The following MS4A4A variants were observed in gnomAD, a reference collection of about 807,000 sequenced individuals.
MS4A4A encodes membrane-spanning 4-domains subfamily A member 4A.
MS4A4A carries 26 observed loss-of-function variants against 28.0 expected under a neutral mutation model. The ratio of observed to expected loss-of-function variants is 0.93; its 90% CI spans 0.68 to 1.29. The LOEUF is 1.29. Ranked by LOEUF, MS4A4A falls within the 50% of genes most tolerant of loss-of-function variation. The pLI, the probability that MS4A4A is intolerant of heterozygous loss-of-function variation, is 0.00. For missense variants in MS4A4A, 290 were observed against 293.1 expected (o/e 0.99, Z 0.08); for synonymous variants, 86 against 100.8 (o/e 0.85, Z 0.88).
Position 60,282,817 on chromosome 11 carries a change from G to T in MS4A4A, c.41+2101G>T. Reference sequence around the variant, plus strand: ...TAAAAATTTTAACTTTATGCTAAGGGTGGTGAAATATAAAAGAAGGCTTTT... The same window carrying T: ...TAAAAATTTTAACTTTATGCTAAGGTTGGTGAAATATAAAAGAAGGCTTTT... On this transcript the variant is annotated intron_variant, in intron 1 of 6. Coordinates refer to ENST00000337908, the MANE Select transcript of MS4A4A (RefSeq NM_148975.3). 3.7e-6 allele frequency: 4 copies of T among 1,074,646 alleles called. No individual in the cohort carries two copies. The South Asian group carries it at 6.8e-5, about 18-fold the overall frequency. 66.6% of individuals were successfully genotyped at this position (1,074,646 alleles called of 1,614,324 possible).
At chr11:60,285,306 C>A (rs1340586742) in intron 1 of MS4A4A, among the ~76,000 whole-genome samples, 1 of 152,022 alleles carries the variant, frequency 6.6e-6, no homozygotes, top group African/African-American at 2.4e-5. Flanking sequence ...GAGTTTGAGA[C>A]CAGCTTGGGT....
chr11:60,282,952 A>G (rs959918971), intron 1 of MS4A4A, among the ~76,000 whole-genome samples: 1 of 152,210 alleles, frequency 6.6e-6, no homozygotes, highest in South Asian at 2.1e-4. Context: ...TTCAGAGGCT[A>G]TAATGAATAC....
intron 3 of MS4A4A, among the ~76,000 whole-genome samples, chr11:60,300,443 C>T (rs1043468555): frequency 4.6e-5 from 7 of 151,674 alleles, no homozygotes; most frequent in African/African-American, 1.7e-4. Flanking sequence ...GGTGAAACCC[C>T]GTCTCTACTA....
chr11:60,302,739 G>T lies in MS4A4A; in HGVS notation c.546+22G>T, dbSNP rs753315495. On this transcript the variant is annotated intron_variant, in intron 5 of 6. Transcript: ENST00000337908. Reference sequence around the variant, plus strand: ...AATGGTTGGTACTGCCTCTTTTCAGGGGATATTATTATAGAAGCAAGTTTG... The same window carrying T: ...AATGGTTGGTACTGCCTCTTTTCAGTGGATATTATTATAGAAGCAAGTTTG... 9 of 1,606,506 alleles carry T rather than the reference G, an allele frequency of 5.6e-6. No homozygotes were observed. In the African/African-American group the frequency reaches 9.4e-5, roughly 17 times the overall value.
intron 6 of MS4A4A, among the ~76,000 whole-genome samples, chr11:60,306,908 C>A (rs930946130): frequency 6.6e-6 from 1 of 152,176 alleles, no homozygotes; most frequent in Non-Finnish European, 1.5e-5. Flanking sequence ...TCAGTCTGTG[C>A]CCACCTGCCC....
chr11:60,281,501 G>A lies in MS4A4A; in HGVS notation c.41+785G>A, dbSNP rs7950610. ...AAACAGAATTCTTGGTTCCTAGCCC[G>A]GGCCTTTCCCCCTTTTCCCTTCCCA... On this transcript the variant is annotated intron_variant, in intron 1 of 6. Transcript: ENST00000337908. 3.3e-3 allele frequency among the ~76,000 whole-genome samples: 504 copies of A among 152,166 alleles called. 3 individuals carry two copies. The highest frequency in any genetic ancestry group is 0.011 in the African/African-American group (473 of 41,506).
At chr11:60,285,822 A>C (rs993121061) in intron 1 of MS4A4A, among the ~76,000 whole-genome samples, 19 of 152,192 alleles carry the variant, frequency 1.2e-4, no homozygotes, top group African/African-American at 4.1e-4. Context: ...ATTACTAATG[A>C]GGTTCCATGT....
intron 1 of MS4A4A, among the ~76,000 whole-genome samples, chr11:60,284,930 A>G (rs1203713468): frequency 6.6e-6 from 1 of 152,232 alleles, no homozygotes; most frequent in South Asian, 2.1e-4. Flanking sequence ...CCATAAATTA[A>G]CAATTTACCA....
intron 1 of MS4A4A, chr11:60,282,477 T>C (rs1183264711): frequency 3.5e-6 from 3 of 862,302 alleles, no homozygotes; most frequent in Non-Finnish European, 4.8e-6. Context: ...CTAATCCACA[T>C]GTGGGCAATG....
intron 5 of MS4A4A, chr11:60,305,854 C>T (rs2135034972): frequency 2.2e-6 from 1 of 463,744 alleles, no homozygotes; most frequent in African/African-American, 2.0e-5. Context: ...CTTTCATCTT[C>T]CATGCCCACA....
intron 5 of MS4A4A, among the ~76,000 whole-genome samples, chr11:60,304,539 G>A (rs564388259): frequency 3.3e-5 from 5 of 152,348 alleles, no homozygotes; most frequent in Admixed American, 2.6e-4. Context: ...GGGATTTGAA[G>A]TAATGGTTCT....
At chr11:60,289,704 C>A (rs916708728) in intron 1 of MS4A4A, among the ~76,000 whole-genome samples, 1 of 151,378 alleles carries the variant, frequency 6.6e-6, no homozygotes, top group Non-Finnish European at 1.5e-5. Context: ...ATATTGTAGA[C>A]CTTTTAATTC....
At chr11:60,300,444 G>C (rs573030707) in intron 3 of MS4A4A, among the ~76,000 whole-genome samples, 8 of 151,720 alleles carry the variant, frequency 5.3e-5, no homozygotes, top group Non-Finnish European at 8.8e-5. Context: ...GTGAAACCCC[G>C]TCTCTACTAA....
chr11:60,294,889 A>ACTTCTTCTT (rs1238058277), intron 2 of MS4A4A, among the ~76,000 whole-genome samples: 30 of 29,966 alleles, frequency 1.0e-3, no homozygotes, highest in African/African-American at 2.0e-3. Flanking sequence ...TCCTACAACT[A>ACTTCTTCTT]CTACTTCTTC....
chr11:60,287,621 C>T (rs2084814377), intron 1 of MS4A4A, among the ~76,000 whole-genome samples: 3 of 152,142 alleles, frequency 2.0e-5, no homozygotes, highest in Admixed American at 2.0e-4. Flanking sequence ...TCTCAATAGC[C>T]TCAAAATTTT....
At chr11:60,289,595 A>G (rs112695122) in intron 1 of MS4A4A, among the ~76,000 whole-genome samples, 1,443 of 127,984 alleles carry the variant, frequency 0.011, 28 homozygotes, top group African/African-American at 0.04. Context: ...GTGTGTGTGT[A>G]TGTGTGTGTG....
At chr11:60,290,271 G>T (rs994280504) in intron 1 of MS4A4A, 3 of 195,424 alleles carry the variant, frequency 1.5e-5, no homozygotes, top group Middle Eastern at 1.3e-3. Context: ...CTCAGGGGGG[G>T]CCTCTCATCC....
chr11:60,296,751 C>T lies in MS4A4A; in HGVS notation c.202-446C>T, dbSNP rs146633039. 1.0e-3 allele frequency: 221 copies of T among 215,276 alleles called. 5 individuals are homozygous for T. In the East Asian group the frequency reaches 0.028, roughly 27 times the overall value. The allele number at this position is 215,276 out of a possible 1,614,324, so 13.3% of individuals were successfully genotyped here. On this transcript the variant is annotated intron_variant, in intron 2 of 6. Transcript: ENST00000337908. ...GATCCCTGTGTACTCATACTTGTGT[C>T]CTCATACCCCAGACTTCAAGAAAAT...
intron 1 of MS4A4A, among the ~76,000 whole-genome samples, chr11:60,284,111 A>C (rs1388000090): frequency 1.3e-5 from 2 of 152,340 alleles, no homozygotes; most frequent in East Asian, 3.9e-4. Flanking sequence ...TAAGCAAAGG[A>C]GTTCTGGAAT....
Sources: allele counts gnomAD v4.1 joint callset (sites outside exome capture counted in the v4.1 genomes callset), GRCh38; gene constraint gnomAD v4.1.1; transcripts MANE v1.5; gene names NCBI Gene and HGNC (gene_info 2026-07-23, HGNC 2026-07-21).